Variants in RYR1 observed in about 807,000 individuals in gnomAD.
RYR1 encodes the protein central core disease of muscle.
RYR1 carries 342 observed loss-of-function variants against 583.5 expected under a neutral mutation model. The observed-to-expected ratio is 0.59, with a 90% confidence interval of 0.54 to 0.64. The LOEUF (loss-of-function observed/expected upper bound fraction) is 0.64. Ranked by LOEUF, RYR1 falls within the 30% of genes least tolerant of loss-of-function variation. The pLI is 0.00. For missense variants in RYR1, 6,032 were observed against 6,917.2 expected, an observed-to-expected ratio of 0.87 and a Z score of 4.54; for synonymous variants, 2,791 against 2,822.5, an observed-to-expected ratio of 0.99 and a Z score of 0.35.
intron 31 of RYR1, 53 bp from the exon 32 acceptor site, chr19:38,482,974 A>G (rs1268449994): frequency 1.2e-5 from 18 of 1,503,162 alleles, no homozygotes; most frequent in Admixed American, 1.7e-5. Context: ...TCCAGAGTCA[A>G]CCCTCCCTCC....
In RYR1 at chr19:38,517,281, T is replaced by A. The variant is rs1971012762; in HGVS notation, c.9686-78T>A. 2.8e-6 allele frequency: 4 copies of A among 1,412,412 alleles called. No individual in the cohort carries two copies. In the East Asian group the frequency reaches 9.4e-5, roughly 33 times the overall value. 87.5% of individuals were successfully genotyped at this position (1,412,412 alleles called of 1,614,324 possible). A position where few individuals can be genotyped will look rare whatever the true frequency, so the allele number is the denominator to read the frequency against. ...GGGGTGGCAATTCAATGGTGTCTGA[T>A]GTATTGCGGGGGAGGCCAGGGCACT... On this transcript the variant is annotated intron_variant, in intron 65 of 105. Coordinates refer to ENST00000359596, the MANE Select transcript of RYR1 (RefSeq NM_000540.3).
chr19:38,542,103 G>GT (rs367691103), intron 84 of RYR1, among the ~76,000 whole-genome samples: 8,083 of 137,856 alleles, frequency 0.059, 259 homozygotes, highest in Middle Eastern at 0.074. Context: ...GCCGGGGACT[G>GT]TTTTTTTTTT....
intron 88 of RYR1, among the ~76,000 whole-genome samples, chr19:38,546,943 C>A (rs1169345255): frequency 1.3e-5 from 2 of 150,046 alleles, no homozygotes; most frequent in Admixed American, 6.7e-5. Flanking sequence ...CAGAGCAAGA[C>A]CCTGTCTCAA....
chr19:38,503,460 G>A (rs1970294805), intron 49 of RYR1, among the ~76,000 whole-genome samples: 3 of 152,028 alleles, frequency 2.0e-5, no homozygotes, highest in Non-Finnish European at 2.9e-5. Context: ...ATAATACATC[G>A]AAATCAGCTC....
At chr19:38,478,688 CAG>C in intron 31 of RYR1, 88 bp downstream of exon 31, 3 of 1,501,708 alleles carry the variant, frequency 2.0e-6, no homozygotes, top group African/African-American at 1.4e-5. Flanking sequence ...GGCCAGACCT[CAG>C]AGATGGAACA....
chr19:38,517,915 A>G (rs1971049383), intron 66 of RYR1, among the ~76,000 whole-genome samples: 1 of 152,192 alleles, frequency 6.6e-6, no homozygotes, highest in Non-Finnish European at 1.5e-5. Flanking sequence ...CGACCAGCCT[A>G]GGTAACATAG....
At chr19:38,491,390 AC>A (rs1197646087) in intron 37 of RYR1, among the ~76,000 whole-genome samples, 3 of 150,046 alleles carry the variant, frequency 2.0e-5, no homozygotes, top group African/African-American at 7.4e-5. Flanking sequence ...ATATTGGTAC[AC>A]TTGATGGCAT....
rs73540988 is a variant in RYR1, at chr19:38,469,695, C to T, written c.3765+182C>T. 4.9e-3 allele frequency among the ~76,000 whole-genome samples: 747 copies of T among 152,240 alleles called. 6 individuals carry two copies. Among genetic ancestry groups the T allele is most frequent in the African/African-American group, 0.017 (693 of 41,542 alleles). On this transcript the variant is annotated intron_variant, in intron 27 of 105. Coordinates refer to ENST00000359596, the MANE Select transcript of RYR1 (RefSeq NM_000540.3). ...GTGTAACTTTGGCAAACCACAGCTT[C>T]CTGAGGTCCAGGTGCCTCACCTATA...
intron 2 of RYR1, 48 bp downstream of exon 2, chr19:38,440,912 G>A: frequency 6.3e-7 from 1 of 1,588,770 alleles, no homozygotes; most frequent in Non-Finnish European, 8.6e-7. Flanking sequence ...GTCTGAAGGG[G>A]CAGAGAATCT....
chr19:38,437,057 T>C (rs1247101568), intron 1 of RYR1, among the ~76,000 whole-genome samples: 1 of 151,708 alleles, frequency 6.6e-6, no homozygotes, highest in Non-Finnish European at 1.5e-5. Flanking sequence ...TTTTTCTTTT[T>C]CTTTTTTTTT....
chr19:38,534,792 G>A lies in RYR1; in HGVS notation c.11332G>A (p.Val3778Met). 6.2e-7 allele frequency: 1 copy of A among 1,613,540 alleles called. No homozygotes were observed. Among genetic ancestry groups the A allele is most frequent in the Non-Finnish European group, 8.5e-7 (1 of 1,179,878 alleles). ...GCACACCCGGGGGGCGGCCGAGATG[G>A]TGCTGCAGATGATCAGTGCCTGCAA... ...RLHTRGAAEMVLQMISACKGE... is the reference protein window; with the variant it reads ...RLHTRGAAEMMLQMISACKGE... Residue 3778 changes from valine (V) to methionine (M), a missense_variant, in exon 79 of 106, where the codon GTG becomes ATG. Physicochemically the swap from Val to Met is conservative, Grantham distance 21 (BLOSUM62 1). Around this residue, in one of 11 missense-constraint regions of RYR1, gnomAD observed 1,493 missense variants for 1,715.5 expected, o/e 0.87. Coordinates refer to ENST00000359596, the MANE Select transcript of RYR1 (RefSeq NM_000540.3).
At chr19:38,503,079 C>A in intron 49 of RYR1, 109 bp downstream of exon 49, 1 of 1,041,432 alleles carries the variant, frequency 9.6e-7, no homozygotes, top group Non-Finnish European at 1.5e-6. Flanking sequence ...CCCAATAAAC[C>A]TGCACTAGTT....
intron 11 of RYR1, among the ~76,000 whole-genome samples, chr19:38,451,472 A>T (rs971845927): frequency 2.0e-5 from 3 of 152,054 alleles, no homozygotes; most frequent in Non-Finnish European, 4.4e-5. Context: ...GACAGGAAGG[A>T]GATAGGGATA....
At chr19:38,452,718 A>G (rs1967141540) in intron 12 of RYR1, 101 bp from the exon 13 acceptor site, 6 of 1,061,196 alleles carry the variant, frequency 5.7e-6, no homozygotes, top group African/African-American at 1.6e-5. Flanking sequence ...TCTCTGTAAA[A>G]CGGGTGGGTC....
chr19:38,460,620 G>A (rs375793528), intron 20 of RYR1, 29 bp downstream of exon 20: 13 of 1,590,502 alleles, frequency 8.2e-6, no homozygotes, highest in South Asian at 1.1e-5. Flanking sequence ...AGGTTTTCTG[G>A]CGAGGCAGGG....
At chr19:38,535,292 CCT>C in intron 80 of RYR1, 22 bp from the exon 81 acceptor site, 7 of 1,613,820 alleles carry the variant, frequency 4.3e-6, no homozygotes, top group Non-Finnish European at 5.1e-6. Context: ...CCCAGTTTCT[CCT>C]CCCCTGCCTC....
Position 38,512,576 on chromosome 19 carries a change from T to C in RYR1, c.9472+93T>C, listed in dbSNP as rs1297156230. The stretch of plus-strand genomic sequence containing the variant: ...CTGTGAGAGTCCCTGGGTGTTTGAA[T>C]GTGTGGATTTCTTGCTGTAAGCAAA... On this transcript the variant is annotated intron_variant, in intron 63 of 105. Coordinates refer to ENST00000359596, the MANE Select transcript of RYR1 (RefSeq NM_000540.3). This position sits in a 1 kb window ranked among gnomAD's most constrained non-coding sequence, Gnocchi z 5.1. 1.6e-6 allele frequency: 2 copies of C among 1,214,522 alleles called. No homozygotes were observed. Among genetic ancestry groups the C allele is most frequent in the Non-Finnish European group, 2.4e-6 (2 of 831,916 alleles). 75.2% of individuals were successfully genotyped at this position (1,214,522 alleles called of 1,614,324 possible). A position where few individuals can be genotyped will look rare whatever the true frequency, so the allele number is the denominator to read the frequency against.
At chr19:38,504,629 A>T (rs1970355823) in intron 50 of RYR1, 119 bp from the exon 51 acceptor site, 2 of 1,377,788 alleles carry the variant, frequency 1.5e-6, no homozygotes, top group Non-Finnish European at 2.0e-6. Flanking sequence ...GAGAGGGACC[A>T]TAATTCAGGT....
chr19:38,442,381 C>T lies in RYR1; in HGVS notation c.198C>T (p.Phe66=), dbSNP rs774088746. The T allele has an allele frequency of 9.3e-6, 15 of 1,612,846 alleles. No individual in the cohort carries two copies. The highest frequency in any genetic ancestry group is 1.1e-5 in the South Asian group (1 of 91,066). Reference sequence around the variant, plus strand: ...CCCCCGATCTGGCCATCTGTTGCTTCGTCCTGGAGCAGTCCCTGTCTGTGC... The same window carrying T: ...CCCCCGATCTGGCCATCTGTTGCTTTGTCCTGGAGCAGTCCCTGTCTGTGC... ...NVPPDLAICC[F]VLEQSLSVRA... The change falls in exon 3 of 106, where the codon TTC becomes TTT. Residue 66 remains phenylalanine, a synonymous_variant. Coordinates refer to ENST00000359596, the MANE Select transcript of RYR1 (RefSeq NM_000540.3).
Sources: allele counts gnomAD v4.1 joint callset (sites outside exome capture counted in the v4.1 genomes callset), GRCh38; gene constraint gnomAD v4.1.1; regional missense constraint gnomAD v4.1.1; non-coding constraint Gnocchi (gnomAD v3.1); transcripts MANE v1.5; gene names NCBI Gene and HGNC (gene_info 2026-07-23, HGNC 2026-07-21).